ADAMTS19: variants seen among roughly 807,000 people sequenced by gnomAD.
ADAMTS19 encodes the protein ADAM metallopeptidase with thrombospondin type 1 motif 19.
In ADAMTS19, 93 loss-of-function variants were observed where a neutral mutation model predicts 153.3. That is an observed-to-expected ratio of 0.61 (90% CI 0.51 to 0.72). The LOEUF (loss-of-function observed/expected upper bound fraction) is 0.72, where lower values mean the gene tolerates loss of function less well. Ranked by LOEUF, ADAMTS19 falls within the 30% of genes least tolerant of loss-of-function variation. The probability of loss-of-function intolerance (pLI) is 0.00; values close to 1 mark genes in which losing one functional copy is unlikely to be tolerated. For missense variants in ADAMTS19, 1,482 were observed against 1,552.1 expected (o/e 0.95, Z 0.76); for synonymous variants, 600 against 556.6 (o/e 1.08, Z -1.10).
At chr5:129,600,671 CAAAGGAATCT>C (rs946437225) in intron 8 of ADAMTS19, among the ~76,000 whole-genome samples, 2 of 152,010 alleles carry the variant, frequency 1.3e-5, no homozygotes, top group African/African-American at 4.8e-5. Context: ...CTTACTAGTG[CAAAGGAATCT>C]AAAACAATGT....
intron 7 of ADAMTS19, among the ~76,000 whole-genome samples, chr5:129,587,779 A>G (rs1483653585): frequency 6.6e-6 from 1 of 152,086 alleles, no homozygotes; most frequent in Admixed American, 6.6e-5. Context: ...GAACAGTAAA[A>G]TCCAGTGCTG....
chr5:129,466,188 T>C (rs1430081021), intron 2 of ADAMTS19, among the ~76,000 whole-genome samples: 3 of 152,180 alleles, frequency 2.0e-5, no homozygotes, highest in Admixed American at 2.0e-4. Context: ...AAAGATGAGC[T>C]GTTGGCTTCT....
intron 21 of ADAMTS19, among the ~76,000 whole-genome samples, chr5:129,717,232 C>T (rs1379152947): frequency 6.6e-6 from 1 of 152,226 alleles, no homozygotes; most frequent in Non-Finnish European, 1.5e-5. Context: ...GCAACCAGAA[C>T]ATTGTACTAT....
At chr5:129,484,722 G>T (rs962225723) in intron 2 of ADAMTS19, among the ~76,000 whole-genome samples, 1 of 151,950 alleles carries the variant, frequency 6.6e-6, no homozygotes, top group African/African-American at 2.4e-5. Flanking sequence ...TGATCCTGTT[G>T]TAAGTCTTAA....
At chr5:129,620,782 T>C in intron 9 of ADAMTS19, 24 bp downstream of exon 9, 1 of 1,608,538 alleles carries the variant, frequency 6.2e-7, no homozygotes, top group Non-Finnish European at 8.5e-7. Flanking sequence ...TTATTGTTTT[T>C]GCCTTGTGAA....
At chr5:129,561,525 G>C (rs10075692) in intron 7 of ADAMTS19, among the ~76,000 whole-genome samples, 2 of 145,192 alleles carry the variant, frequency 1.4e-5, no homozygotes, top group Admixed American at 1.4e-4. Context: ...GACAGAGCGA[G>C]ACTCCGTCTC....
chr5:129,494,942 T>C (rs917447130), intron 2 of ADAMTS19, among the ~76,000 whole-genome samples: 3 of 152,208 alleles, frequency 2.0e-5, no homozygotes, highest in South Asian at 4.1e-4. Flanking sequence ...TAAAAAACCA[T>C]GGGTGCAAAA....
At chr5:129,460,655 C>G (rs1749616164) in intron 1 of ADAMTS19, 173 bp downstream of exon 1, 4 of 667,880 alleles carry the variant, frequency 6.0e-6, no homozygotes, top group South Asian at 5.4e-5. Context: ...ATGAAGCACA[C>G]TTCTGCCGGC....
At chr5:129,615,751 T>C (rs1323753596) in intron 8 of ADAMTS19, among the ~76,000 whole-genome samples, 1 of 151,902 alleles carries the variant, frequency 6.6e-6, no homozygotes, top group Non-Finnish European at 1.5e-5. Context: ...CCAATTTTGG[T>C]TGATAGCAAT....
chr5:129,649,895 A>AT (rs1219554355), intron 13 of ADAMTS19, among the ~76,000 whole-genome samples: 10 of 152,208 alleles, frequency 6.6e-5, no homozygotes, highest in Non-Finnish European at 1.5e-4. Context: ...TAAGAATGAT[A>AT]TGCCAAGCAA....
rs570352431 is a variant in ADAMTS19 at position 129,736,983 on chromosome 5, C to T, written c.3491-84C>T. 4.9e-4 allele frequency: 648 copies of T among 1,321,128 alleles called. 3 individuals carry two copies. Among genetic ancestry groups the T allele is most frequent in the Middle Eastern group, 4.4e-3 (22 of 5,016 alleles). The allele number at this position is 1,321,128 out of a possible 1,614,324, so 81.8% of individuals were successfully genotyped here. ...TGAACCAAAGAGAGTGTACAAAATCCGCCCCACTTAAACGCTTGAAGTTGG... is the reference window on the plus strand; with the variant it reads ...TGAACCAAAGAGAGTGTACAAAATCTGCCCCACTTAAACGCTTGAAGTTGG... On this transcript the variant is annotated intron_variant, in intron 22 of 22. Transcript: ENST00000274487.
At chr5:129,672,817 C>G (rs1561641163) in intron 16 of ADAMTS19, among the ~76,000 whole-genome samples, 1 of 151,840 alleles carries the variant, frequency 6.6e-6, no homozygotes, top group African/African-American at 2.4e-5. Context: ...TCTACACACA[C>G]ACACACACAC....
intron 2 of ADAMTS19, among the ~76,000 whole-genome samples, chr5:129,491,692 T>C (rs1407147559): frequency 6.6e-6 from 1 of 152,252 alleles, no homozygotes; most frequent in African/African-American, 2.4e-5. Context: ...TTGATAACAC[T>C]ATCCAATATG....
intron 13 of ADAMTS19, among the ~76,000 whole-genome samples, chr5:129,651,011 C>T (rs1300394510): frequency 6.6e-6 from 1 of 152,140 alleles, no homozygotes; most frequent in African/African-American, 2.4e-5. Context: ...TGGCTGCCCA[C>T]CCCCATGGTT....
intron 21 of ADAMTS19, among the ~76,000 whole-genome samples, chr5:129,730,819 A>G (rs1757408930): frequency 6.6e-6 from 1 of 152,194 alleles, no homozygotes. Flanking sequence ...TGTACACTCA[A>G]CATATGAATA....
At position 129,703,111 on chromosome 5, in the gene ADAMTS19, G is replaced by T. The variant is rs561815768; in HGVS notation, c.3160-1128G>T. The stretch of plus-strand genomic sequence containing the variant: ...AGGATACCTATTTAAAATGTCATTA[G>T]TTCCATGCTTAAGCTTTCAGGATAT... On this transcript the variant is annotated intron_variant, in intron 20 of 22. Transcript: ENST00000274487. Among the ~76,000 whole-genome samples the T allele has an allele frequency of 1.3e-4, 20 of 150,268 alleles. No homozygotes were observed. In the East Asian group the frequency reaches 2.7e-3, roughly 21 times the overall value.
intron 7 of ADAMTS19, among the ~76,000 whole-genome samples, chr5:129,589,737 T>C (rs72790625): frequency 0.086 from 13,037 of 152,184 alleles, 630 homozygotes; most frequent in Middle Eastern, 0.16. Context: ...GGTCTGTCTC[T>C]TCACAGGGAA....
intron 2 of ADAMTS19, among the ~76,000 whole-genome samples, chr5:129,498,999 A>C (rs1289668884): frequency 2.0e-5 from 3 of 152,040 alleles, no homozygotes; most frequent in Non-Finnish European, 4.4e-5. Flanking sequence ...GCTGCATGGC[A>C]GGTATTTAAT....
chr5:129,536,843 G>T (rs541643504), intron 6 of ADAMTS19, among the ~76,000 whole-genome samples: 19 of 151,662 alleles, frequency 1.3e-4, no homozygotes, highest in Non-Finnish European at 2.5e-4. Context: ...CTCACTCATA[G>T]GTGGGAATTG....
Sources: allele counts gnomAD v4.1 joint callset (sites outside exome capture counted in the v4.1 genomes callset), GRCh38; gene constraint gnomAD v4.1.1; transcripts MANE v1.5; gene names NCBI Gene and HGNC (gene_info 2026-07-23, HGNC 2026-07-21).